CIT: variants seen among roughly 807,000 people sequenced by gnomAD.
The protein encoded by CIT is citron Rho-interacting kinase.
CIT carries 79 observed loss-of-function variants against 272.7 expected under a neutral mutation model. The ratio of observed to expected loss-of-function variants is 0.29; its 90% CI spans 0.24 to 0.35. CIT has a LOEUF of 0.35. Ranked by LOEUF, CIT falls within the 10% of genes least tolerant of loss-of-function variation. The pLI, the probability that CIT is intolerant of heterozygous loss-of-function variation, is 1.00. For synonymous variants in CIT, 948 were observed against 995.6 expected (o/e 0.95, Z 0.90); for missense variants, 1,909 against 2,618.3 (o/e 0.73, Z 5.91).
chr12:119,753,645 G>A (rs1047761480), intron 22 of CIT, among the ~76,000 whole-genome samples: 3 of 151,806 alleles, frequency 2.0e-5, no homozygotes, highest in African/African-American at 7.3e-5. Flanking sequence ...GCTGAGGCAG[G>A]AGAATCACTT....
At chr12:119,754,573 TG>T (rs1343181877) in intron 22 of CIT, among the ~76,000 whole-genome samples, 1 of 152,220 alleles carries the variant, frequency 6.6e-6, no homozygotes, top group Admixed American at 6.5e-5. Context: ...TCCACACACC[TG>T]GCTAGAGAAG....
At chr12:119,733,100 G>A (rs1307103088) in intron 26 of CIT, among the ~76,000 whole-genome samples, 1 of 152,108 alleles carries the variant, frequency 6.6e-6, no homozygotes, top group Non-Finnish European at 1.5e-5. Context: ...TTAGAACTAT[G>A]GAGTATGCAA....
intron 10 of CIT, among the ~76,000 whole-genome samples, chr12:119,787,539 G>A (rs1413044162): frequency 6.6e-6 from 1 of 151,588 alleles, no homozygotes; most frequent in African/African-American, 2.4e-5. Flanking sequence ...AGACCATCCT[G>A]GCTAACACGG....
In CIT at chr12:119,784,948, G is replaced by A. The variant is rs754159790; in HGVS notation, c.1401+12C>T. ...TGGAGCAAGGAAGGAGGCCGGCTGC[G>A]GAAATAAATACCTTGTGACACTTGT... On this transcript the variant is annotated intron_variant, in intron 11 of 47. Coordinates refer to ENST00000392521, the MANE Select transcript of CIT (RefSeq NM_001206999.2). The surrounding 1 kb of genome is among the most constrained non-coding windows in gnomAD (Gnocchi z 4.7). 3.9e-5 allele frequency: 63 copies of A among 1,613,966 alleles called. No individual in the cohort carries two copies. Among genetic ancestry groups the A allele is most frequent in the Admixed American group, 1.3e-4 (8 of 59,994 alleles).
chr12:119,777,743 C>T (rs1200865288), intron 13 of CIT, among the ~76,000 whole-genome samples: 1 of 151,624 alleles, frequency 6.6e-6, no homozygotes, highest in Non-Finnish European at 1.5e-5. Flanking sequence ...ACCGGGAACA[C>T]ACATGCAAAT....
rs1963007015 is a variant in CIT at position 119,770,604 on chromosome 12, A to G, written c.2208+181T>C. Among the ~76,000 whole-genome samples, 1 of 151,916 alleles carries G rather than the reference A, an allele frequency of 6.6e-6. No individual in the cohort carries two copies. The highest frequency in any genetic ancestry group is 1.5e-5 in the Non-Finnish European group (1 of 68,004). ...TTACGGATCTGTTACCAGTGCTGAA[A>G]TGTCCGTTATTTGGTTATTCATACT... On this transcript the variant is annotated intron_variant, in intron 18 of 47. Transcript: ENST00000392521. This position sits in a 1 kb window ranked among gnomAD's most constrained non-coding sequence, Gnocchi z 4.4.
intron 44 of CIT, among the ~76,000 whole-genome samples, chr12:119,698,929 G>A (rs1956389308): frequency 6.6e-6 from 1 of 152,080 alleles, no homozygotes; most frequent in African/African-American, 2.4e-5. Flanking sequence ...AAAACTGATT[G>A]TAAACATCTT....
intron 7 of CIT, among the ~76,000 whole-genome samples, chr12:119,830,555 T>C (rs1047951094): frequency 6.6e-5 from 10 of 152,200 alleles, no homozygotes; most frequent in African/African-American, 2.4e-4. Context: ...ATTAATTAGC[T>C]TTCTGATGCT....
intron 14 of CIT, 21 bp from the exon 15 acceptor site, chr12:119,776,429 C>T (rs777764042): frequency 6.2e-7 from 1 of 1,608,684 alleles, no homozygotes; most frequent in Non-Finnish European, 8.5e-7. Context: ...AAAGACACAA[C>T]ATATTGGGAA....
intron 7 of CIT, among the ~76,000 whole-genome samples, chr12:119,830,079 C>T (rs917072604): frequency 3.4e-5 from 5 of 149,196 alleles, no homozygotes; most frequent in Non-Finnish European, 5.9e-5. Context: ...AATATCCCCC[C>T]AAAAATTATA....
intron 22 of CIT, among the ~76,000 whole-genome samples, chr12:119,752,697 T>C (rs1365197899): frequency 6.6e-6 from 1 of 152,270 alleles, no homozygotes; most frequent in East Asian, 1.9e-4. Context: ...TTCTCTGATG[T>C]GTCCTCATTA....
At chr12:119,704,721 C>T (rs529212812) in intron 40 of CIT, among the ~76,000 whole-genome samples, 1 of 152,308 alleles carries the variant, frequency 6.6e-6, no homozygotes, top group South Asian at 2.1e-4. Flanking sequence ...AGAATTACCC[C>T]TGGTCGAGAA....
At chr12:119,734,128 AC>A in intron 26 of CIT, 35 bp downstream of exon 26, 1 of 1,602,458 alleles carries the variant, frequency 6.2e-7, no homozygotes. Flanking sequence ...TCCTGCGGTC[AC>A]CTGTCATGAG....
rs577737452 is a variant in CIT at position 119,849,243 on chromosome 12, G to A, written c.516+931C>T. 9.8e-4 allele frequency among the ~76,000 whole-genome samples: 149 copies of A among 152,204 alleles called. 1 individual carries two copies. The highest frequency in any genetic ancestry group is 1.6e-3 in the Non-Finnish European group (106 of 67,978). ...GGAGTTTGCGGCCAGCCCGGCCAAC[G>A]TGGTAAAACCCCATCTCTACTAAAA... On this transcript the variant is annotated intron_variant, in intron 5 of 47. Transcript: ENST00000392521.
intron 23 of CIT, 168 bp from the exon 24 acceptor site, chr12:119,742,632 A>AG (rs1959113534): frequency 1.8e-6 from 1 of 552,066 alleles, no homozygotes; most frequent in South Asian, 2.5e-5. Context: ...ACCAGAAATA[A>AG]GTTACAGGAA....
rs539011704 is a variant in CIT at position 119,853,208 on chromosome 12, TC to T, written c.415-2934del. 6.4e-3 allele frequency among the ~76,000 whole-genome samples: 883 copies of T among 138,368 alleles called. 9 individuals carry two copies. The highest frequency in any genetic ancestry group is 0.026 in the African/African-American group (837 of 32,474). 90.8% of individuals were successfully genotyped at this position (138,368 alleles called of 152,430 possible). ...TGGGCATGGTGGAGTGCACCTGTAATCAATCCCACCTACTCAGAAGCCTGAG... is the reference window on the plus strand; with the variant it reads ...TGGGCATGGTGGAGTGCACCTGTAATAATCCCACCTACTCAGAAGCCTGAG... On this transcript the variant is annotated intron_variant, in intron 4 of 47. Transcript: ENST00000392521.
At chr12:119,744,824 A>T (rs1203356993) in intron 23 of CIT, among the ~76,000 whole-genome samples, 2 of 152,126 alleles carry the variant, frequency 1.3e-5, no homozygotes, top group Non-Finnish European at 2.9e-5. Context: ...TCAGTTTATA[A>T]TGGCAGATTA....
At chr12:119,862,808 TAAAAAAAAAAAAAAAAAAAAAAAAAA>T (rs1157467178) in intron 3 of CIT, among the ~76,000 whole-genome samples, 132 of 10,254 alleles carry the variant, frequency 0.013, 2 homozygotes, top group Admixed American at 0.025. Context: ...AGACTCTACC[TAAAAAAAAAAAAAAAAAAAAAAAAAA>T]AAAAAAGAAA....
chr12:119,712,869 T>TA lies in CIT; in HGVS notation c.4580-175dup, dbSNP rs113783917. The stretch of plus-strand genomic sequence containing the variant: ...GTGCAGAGAAGGCAGAGAGGGAAGA[T>TA]AAAAAAAAATAAAGTGTGTCAGATG... On this transcript the variant is annotated intron_variant, in intron 35 of 47. Coordinates refer to ENST00000392521, the MANE Select transcript of CIT (RefSeq NM_001206999.2). The surrounding 1 kb of genome is among the most constrained non-coding windows in gnomAD (Gnocchi z 5.2). 334 of 565,028 alleles carry TA rather than the reference T, an allele frequency of 5.9e-4. 1 individual carries two copies. The highest frequency in any genetic ancestry group is 3.1e-3 in the African/African-American group (159 of 52,044). The allele number at this position is 565,028 out of a possible 1,614,324, so 35.0% of individuals were successfully genotyped here.
Sources: allele counts gnomAD v4.1 joint callset (sites outside exome capture counted in the v4.1 genomes callset), GRCh38; gene constraint gnomAD v4.1.1; non-coding constraint Gnocchi (gnomAD v3.1); transcripts MANE v1.5; gene names NCBI Gene and HGNC (gene_info 2026-07-23, HGNC 2026-07-21).